Variants in AP1S3 observed in about 807,000 individuals in gnomAD.
AP1S3 encodes adaptor related protein complex 1 subunit sigma 3.
In AP1S3, 10 loss-of-function variants were observed where a neutral mutation model predicts 20.9. That is an observed-to-expected ratio of 0.48 (90% CI 0.29 to 0.81). The LOEUF (loss-of-function observed/expected upper bound fraction) is 0.81. Among genes scored for constraint, AP1S3 ranks in the 30% least tolerant of loss-of-function variants. The probability of loss-of-function intolerance (pLI) is 0.08; values close to 1 mark genes in which losing one functional copy is unlikely to be tolerated. For missense variants in AP1S3, 154 were observed against 183.8 expected, an observed-to-expected ratio of 0.84 and a Z score of 0.94; for synonymous variants, 41 against 61.5, an observed-to-expected ratio of 0.67 and a Z score of 1.56.
At chr2:223,775,498 G>A (rs1400786016) in intron 3 of AP1S3, among the ~76,000 whole-genome samples, 1 of 152,104 alleles carries the variant, frequency 6.6e-6, no homozygotes, top group Non-Finnish European at 1.5e-5. Flanking sequence ...ACTGAAATAA[G>A]GTCTCTGGTG....
At chr2:223,775,670 A>G (rs1022845720) in intron 3 of AP1S3, among the ~76,000 whole-genome samples, 1 of 152,200 alleles carries the variant, frequency 6.6e-6, no homozygotes, top group African/African-American at 2.4e-5. Context: ...GCAGGACTCC[A>G]TATCTATTTA....
At chr2:223,816,144 G>A (rs989611885) in intron 1 of AP1S3, among the ~76,000 whole-genome samples, 5 of 152,078 alleles carry the variant, frequency 3.3e-5, no homozygotes, top group African/African-American at 9.7e-5. Flanking sequence ...CAAGTTCCAC[G>A]GGCATACAGC....
At chr2:223,792,084 T>C (rs1691227461) in intron 1 of AP1S3, among the ~76,000 whole-genome samples, 1 of 152,206 alleles carries the variant, frequency 6.6e-6, no homozygotes, top group African/African-American at 2.4e-5. Context: ...CAAAGCAATG[T>C]ACAGATTCAA....
intron 1 of AP1S3, among the ~76,000 whole-genome samples, chr2:223,819,342 G>A (rs1691931130): frequency 6.6e-6 from 1 of 152,130 alleles, no homozygotes; most frequent in African/African-American, 2.4e-5. Context: ...GATACTTTCA[G>A]GTCCTTTTGC....
At chr2:223,826,241 G>A (rs375286414) in intron 1 of AP1S3, among the ~76,000 whole-genome samples, 2 of 152,086 alleles carry the variant, frequency 1.3e-5, no homozygotes, top group South Asian at 4.1e-4. Context: ...GAAAAAGACT[G>A]GAAATAGGGG....
chr2:223,762,948 C>G (rs1342057097), intron 4 of AP1S3, among the ~76,000 whole-genome samples: 1 of 151,650 alleles, frequency 6.6e-6, no homozygotes, highest in African/African-American at 2.4e-5. Context: ...AAAAAAAAAG[C>G]AGTAATTATT....
At chr2:223,810,646 T>C (rs1691701490) in intron 1 of AP1S3, among the ~76,000 whole-genome samples, 1 of 152,160 alleles carries the variant, frequency 6.6e-6, no homozygotes, top group Non-Finnish European at 1.5e-5. Context: ...CTCTTCAGTT[T>C]GCACCTGGCC....
At chr2:223,800,859 A>G (rs1436046924) in intron 1 of AP1S3, among the ~76,000 whole-genome samples, 1 of 152,226 alleles carries the variant, frequency 6.6e-6, no homozygotes, top group African/African-American at 2.4e-5. Flanking sequence ...AAGGGAAATA[A>G]AAGTATACAA....
chr2:223,810,058 C>T (rs537394060), intron 1 of AP1S3, among the ~76,000 whole-genome samples: 2 of 152,128 alleles, frequency 1.3e-5, no homozygotes, highest in East Asian at 3.9e-4. Flanking sequence ...CATTATTCTA[C>T]ACTCTACAAT....
At chr2:223,818,102 A>G (rs1443507611) in intron 1 of AP1S3, among the ~76,000 whole-genome samples, 1 of 150,872 alleles carries the variant, frequency 6.6e-6, no homozygotes. Context: ...TATCAAATGC[A>G]GCTTGGATTC....
At chr2:223,782,978 A>G (rs1232468994) in intron 1 of AP1S3, among the ~76,000 whole-genome samples, 1 of 152,200 alleles carries the variant, frequency 6.6e-6, no homozygotes, top group Non-Finnish European at 1.5e-5. Context: ...CATTTGAATA[A>G]TACTCTTCAA....
chr2:223,782,978 A>C (rs1232468994), intron 1 of AP1S3, among the ~76,000 whole-genome samples: 1 of 152,200 alleles, frequency 6.6e-6, no homozygotes, highest in South Asian at 2.1e-4. Context: ...CATTTGAATA[A>C]TACTCTTCAA....
chr2:223,792,198 C>CTAA (rs1691229356), intron 1 of AP1S3, among the ~76,000 whole-genome samples: 2 of 152,058 alleles, frequency 1.3e-5, no homozygotes, highest in African/African-American at 4.8e-5. Flanking sequence ...CAAGACAATC[C>CTAA]TAAGCAAAAA....
intron 1 of AP1S3, among the ~76,000 whole-genome samples, chr2:223,818,436 G>GAAA (rs1559144249): frequency 2.7e-5 from 4 of 148,544 alleles, no homozygotes; most frequent in Non-Finnish European, 4.5e-5. Flanking sequence ...AAAAAAAAAT[G>GAAA]TCCAAGGTTC....
In AP1S3 at chr2:223,771,015, A is replaced by G. The variant is rs914457893; in HGVS notation, c.291+4886T>C. Among the ~76,000 whole-genome samples, 3 of 151,350 alleles carry G rather than the reference A, an allele frequency of 2.0e-5. No homozygotes were observed. The East Asian group carries it at 6.0e-4, about 30-fold the overall frequency. ...CTCCCAAAGTGCTGGGATTACAGGC[A>G]TGAGCCACCGTTCCCAGTCCCAAGT... On this transcript the variant is annotated intron_variant, in intron 3 of 4. Transcript: ENST00000396654.
At chr2:223,765,066 AT>A in intron 4 of AP1S3, 146 bp downstream of exon 4, 2 of 1,168,564 alleles carry the variant, frequency 1.7e-6, no homozygotes, top group Non-Finnish European at 1.1e-6. Context: ...TGTTGTGAGG[AT>A]TAAATAAGCT....
intron 1 of AP1S3, among the ~76,000 whole-genome samples, chr2:223,798,277 G>A (rs11898338): frequency 0.023 from 3,510 of 152,222 alleles, 135 homozygotes; most frequent in African/African-American, 0.078. Flanking sequence ...AAAGACACTG[G>A]CCAACATATT....
At chr2:223,771,292 G>C (rs1285193966) in intron 3 of AP1S3, among the ~76,000 whole-genome samples, 1 of 151,954 alleles carries the variant, frequency 6.6e-6, no homozygotes, top group East Asian at 2.0e-4. Context: ...AGCCAAGACT[G>C]CACCACTGCA....
At position 223,761,405 on chromosome 2, in the gene AP1S3, C is replaced by T. The variant is rs147273630; in HGVS notation, c.430-2655G>A. On this transcript the variant is annotated intron_variant, in intron 4 of 4. Coordinates refer to ENST00000396654, the MANE Select transcript of AP1S3 (RefSeq NM_001039569.2). ...CACGAGGGCACATAGAATCCTATTG[C>T]TCATGAGATACAATCTGACCCTCCC... Among the ~76,000 whole-genome samples, 310 of 152,282 alleles carry T rather than the reference C, an allele frequency of 2.0e-3. 2 individuals carry two copies. The highest frequency in any genetic ancestry group is 7.1e-3 in the African/African-American group (296 of 41,556).
Sources: allele counts gnomAD v4.1 joint callset (sites outside exome capture counted in the v4.1 genomes callset), GRCh38; gene constraint gnomAD v4.1.1; transcripts MANE v1.5; gene names NCBI Gene and HGNC (gene_info 2026-07-23, HGNC 2026-07-21).